The following C14orf39 variants were observed in gnomAD, a reference collection of about 807,000 sequenced individuals.
C14orf39 encodes protein SIX6OS1.
In C14orf39, 66 loss-of-function variants were observed where a neutral mutation model predicts 85.6. The observed-to-expected ratio is 0.77, with a 90% CI of 0.63 to 0.95. The LOEUF (loss-of-function observed/expected upper bound fraction) is 0.95. C14orf39 is among the 40% of genes least tolerant of loss of function. The probability of loss-of-function intolerance (pLI) is 0.00; values close to 1 mark genes in which losing one functional copy is unlikely to be tolerated. For missense variants in C14orf39, 735 were observed against 663.9 expected (o/e 1.11, Z -1.18); for synonymous variants, 242 against 214.0 (o/e 1.13, Z -1.14).
chr14:60,501,683 T>G (rs1042376226), intron 1 of C14orf39, among the ~76,000 whole-genome samples: 2 of 152,202 alleles, frequency 1.3e-5, no homozygotes, highest in Non-Finnish European at 2.9e-5. Flanking sequence ...ATTGACTTCT[T>G]TAGACTAATT....
chr14:60,478,364 GA>G lies in C14orf39; in HGVS notation c.258del (p.Arg87ValfsTer36). The G allele has an allele frequency of 6.4e-7, 1 of 1,574,162 alleles. No homozygotes were observed. The highest frequency in any genetic ancestry group is 1.9e-5 in the Admixed American group (1 of 52,330). On this transcript the variant is annotated frameshift_variant, in exon 5 of 18. Coordinates refer to ENST00000321731, the MANE Select transcript of C14orf39 (RefSeq NM_174978.3). LOFTEE classifies it high-confidence loss of function. ...TCCTGCATATAATCTTCATGTTTACGAAAAACATCACATGTTGGCTTCCAGC... is the reference window on the plus strand; with the variant it reads ...TCCTGCATATAATCTTCATGTTTACGAAAACATCACATGTTGGCTTCCAGC... ...CRNWKPTCDV[F>X]RKHEDYMQDQ...
rs751314687 is a variant in C14orf39 at position 60,469,632 on chromosome 14, T to C, written c.576A>G (p.Thr192=). The C allele has an allele frequency of 2.8e-6, 4 of 1,424,414 alleles. No individual in the cohort carries two copies. The African/African-American group carries it at 4.3e-5, about 15-fold the overall frequency. 88.2% of individuals were successfully genotyped at this position (1,424,414 alleles called of 1,614,324 possible). A position where few individuals can be genotyped will look rare whatever the true frequency, so the allele number is the denominator to read the frequency against. The change falls in exon 8 of 18, where the codon ACA becomes ACG. Residue 192 remains threonine (T), a synonymous_variant. Transcript: ENST00000321731. ...TGCTGGCATGTTTAAGAATATCTTG[T>C]GTTTCACATCTCAAATTAACACTTT... ...TLNIVNLRCE[T]QDILKHASNL...
chr14:60,503,847 G>A (rs1893173951), intron 1 of C14orf39, among the ~76,000 whole-genome samples: 1 of 152,190 alleles, frequency 6.6e-6, no homozygotes, highest in African/African-American at 2.4e-5. Flanking sequence ...AATTGAAAGT[G>A]CTCTGAGTCC....
chr14:60,461,344 C>A lies in C14orf39; in HGVS notation c.1117+10G>T, dbSNP rs377264478. On this transcript the variant is annotated intron_variant, in intron 13 of 17. Coordinates refer to ENST00000321731, the MANE Select transcript of C14orf39 (RefSeq NM_174978.3). ...CGACTTCTTAGAAGAAAAATATAAACGGCAAATACCTTTATCCCCTTTTTC... is the reference window on the plus strand; with the variant it reads ...CGACTTCTTAGAAGAAAAATATAAAAGGCAAATACCTTTATCCCCTTTTTC... The A allele has an allele frequency of 1.2e-6, 2 of 1,606,744 alleles. No homozygotes were observed. The highest frequency in any genetic ancestry group is 8.5e-7 in the Non-Finnish European group (1 of 1,175,380).
At chr14:60,509,321 C>T in intron 1 of C14orf39, 1 of 1,260,208 alleles carries the variant, frequency 7.9e-7, no homozygotes, top group South Asian at 1.2e-5. Context: ...GCGCCTGGCA[C>T]ACTCAGCCAG....
chr14:60,451,059 A>G (rs989347934), intron 16 of C14orf39, among the ~76,000 whole-genome samples: 5 of 152,084 alleles, frequency 3.3e-5, no homozygotes, highest in Admixed American at 1.3e-4. Flanking sequence ...AGACACCAAC[A>G]ACAACTACAA....
chr14:60,470,504 A>T (rs1416627197), intron 7 of C14orf39, among the ~76,000 whole-genome samples: 1 of 151,812 alleles, frequency 6.6e-6, no homozygotes, highest in Non-Finnish European at 1.5e-5. Context: ...TAATCTTCAA[A>T]TCTTCCTACC....
Position 60,469,611 on chromosome 14 carries a change from G to C in C14orf39, c.597C>G (p.Ala199=). ...CGGATGAACTTTTGGTAAGATTGCTGGCATGTTTAAGAATATCTTGTGTTT... is the reference window on the plus strand; with the variant it reads ...CGGATGAACTTTTGGTAAGATTGCTCGCATGTTTAAGAATATCTTGTGTTT... ...RCETQDILKH[A]SNLTKSSSEL... is the part of the protein sequence containing the mutation. The change falls in exon 8 of 18, where the codon GCC becomes GCG. Residue 199 remains alanine, a synonymous_variant. Transcript: ENST00000321731. The C allele has an allele frequency of 6.6e-7, 1 of 1,512,386 alleles. No individual in the cohort carries two copies. Among genetic ancestry groups the C allele is most frequent in the South Asian group, 1.3e-5 (1 of 74,234 alleles). The allele number at this position is 1,512,386 out of a possible 1,614,324, so 93.7% of individuals were successfully genotyped here.
At chr14:60,469,936 T>G (rs1289628268) in intron 7 of C14orf39, among the ~76,000 whole-genome samples, 3 of 150,226 alleles carry the variant, frequency 2.0e-5, no homozygotes, top group Non-Finnish European at 3.0e-5. Flanking sequence ...GTAGTTTTTT[T>G]TTTTTTTTTT....
rs549373308 is a variant in C14orf39, at chr14:60,508,142, T to A, written c.-144+7253A>T. Among the ~76,000 whole-genome samples, 8 of 152,284 alleles carry A rather than the reference T, an allele frequency of 5.3e-5. No homozygotes were observed. In the East Asian group the frequency reaches 1.5e-3, roughly 29 times the overall value. ...CGTGGATGCCCTTCTGTATTGTATT[T>A]TTACTGAATTGTTTTTGAGCTAAAA... On this transcript the variant is annotated intron_variant, in intron 1 of 5. Coordinates refer to the C14orf39 transcript ENST00000556799.
At chr14:60,472,633 C>G (rs546374324) in intron 5 of C14orf39, among the ~76,000 whole-genome samples, 1 of 151,950 alleles carries the variant, frequency 6.6e-6, no homozygotes, top group Non-Finnish European at 1.5e-5. Flanking sequence ...TTCCCACCTA[C>G]GAGTGAGAAT....
intron 2 of C14orf39, among the ~76,000 whole-genome samples, chr14:60,498,239 C>T (rs887148288): frequency 2.0e-5 from 3 of 152,228 alleles, no homozygotes; most frequent in Non-Finnish European, 4.4e-5. Flanking sequence ...AAATAATGCA[C>T]ATATTCTTTA....
chr14:60,503,081 T>C (rs955258228), intron 1 of C14orf39, among the ~76,000 whole-genome samples: 3 of 152,248 alleles, frequency 2.0e-5, no homozygotes, highest in Non-Finnish European at 4.4e-5. Flanking sequence ...TTTTGTTTAC[T>C]TAAACCAAGC....
At chr14:60,477,116 T>A (rs1892413943) in intron 5 of C14orf39, among the ~76,000 whole-genome samples, 1 of 152,156 alleles carries the variant, frequency 6.6e-6, no homozygotes, top group South Asian at 2.1e-4. Flanking sequence ...TCTAAAATTC[T>A]TTTTTAAATG....
chr14:60,460,505 AC>A (rs1188382669), intron 13 of C14orf39, among the ~76,000 whole-genome samples: 1 of 151,834 alleles, frequency 6.6e-6, no homozygotes, highest in Non-Finnish European at 1.5e-5. Flanking sequence ...CATTTTTAAA[AC>A]TTCAAAACAA....
intron 1 of C14orf39, chr14:60,512,232 G>A (rs568794812): frequency 2.0e-4 from 30 of 152,190 alleles, no homozygotes; most frequent in South Asian, 1.2e-3. Flanking sequence ...CAAACTATGG[G>A]ACTCAATAAG....
chr14:60,437,322 C>T (rs1890300965), intron 17 of C14orf39, among the ~76,000 whole-genome samples: 1 of 151,868 alleles, frequency 6.6e-6, no homozygotes, highest in Non-Finnish European at 1.5e-5. Flanking sequence ...GAATAAAACA[C>T]CTCAAATGAA....
intron 16 of C14orf39, among the ~76,000 whole-genome samples, chr14:60,450,797 CAG>C (rs1041922674): frequency 5.3e-5 from 8 of 152,218 alleles, no homozygotes; most frequent in African/African-American, 1.9e-4. Flanking sequence ...CAGCTCAGCA[CAG>C]AGAGAGAGGC....
At chr14:60,470,086 C>T (rs575165376) in intron 7 of C14orf39, among the ~76,000 whole-genome samples, 1 of 151,806 alleles carries the variant, frequency 6.6e-6, no homozygotes, top group South Asian at 2.1e-4. Flanking sequence ...AAGCCAACAA[C>T]AGTATGCTGG....
Sources: allele counts gnomAD v4.1 joint callset (sites outside exome capture counted in the v4.1 genomes callset), GRCh38; gene constraint gnomAD v4.1.1; transcripts MANE v1.5; gene names NCBI Gene and HGNC (gene_info 2026-07-23, HGNC 2026-07-21).